PIK3CD: variants seen among roughly 807,000 people sequenced by gnomAD.
The protein encoded by PIK3CD is phosphatidylinositol 4,5-bisphosphate 3-kinase catalytic subunit delta isoform.
A neutral mutation model predicts 122.9 loss-of-function variants in PIK3CD; 20 were observed. That is an observed-to-expected ratio of 0.16 (90% CI 0.11 to 0.24). PIK3CD has a LOEUF of 0.24. Ranked by LOEUF, PIK3CD falls within the 10% of genes least tolerant of loss-of-function variation. The pLI is 1.00. For synonymous variants in PIK3CD, 596 were observed against 593.4 expected (o/e 1.00, Z -0.06); for missense variants, 787 against 1,406.3 (o/e 0.56, Z 7.04).
Position 9,720,725 on chromosome 1 carries a change from C to T in PIK3CD, c.1522-17C>T. ...CGGCGTGGAACCAGAGCCCTCACTC[C>T]TGCCCACACCCCTCAGCAGCTGCAG... On this transcript the variant is annotated splice_polypyrimidine_tract_variant and intron_variant, in intron 12 of 23. Transcript: ENST00000377346. The surrounding 1 kb of genome is among the most constrained non-coding windows in gnomAD (Gnocchi z 9.0). 1 of 1,608,888 alleles carries T rather than the reference C, an allele frequency of 6.2e-7. No homozygotes were observed. Among genetic ancestry groups the T allele is most frequent in the South Asian group, 1.1e-5 (1 of 90,362 alleles).
At chr1:9,671,674 G>C (rs1194245655) in intron 1 of PIK3CD, among the ~76,000 whole-genome samples, 2 of 152,014 alleles carry the variant, frequency 1.3e-5, no homozygotes, top group Non-Finnish European at 2.9e-5. Flanking sequence ...TTGAATTCCT[G>C]GACTCAAGAG....
At chr1:9,630,284 T>C in the PIK3CD span, among the ~76,000 whole-genome samples, 15 of 152,210 alleles carry the variant, frequency 9.9e-5, no homozygotes, top group Non-Finnish European at 1.9e-4. Flanking sequence ...GACTGCAGGG[T>C]CACTCGGTGT....
the PIK3CD span, among the ~76,000 whole-genome samples, chr1:9,634,218 A>G: frequency 7.0e-6 from 1 of 142,906 alleles, no homozygotes; most frequent in Non-Finnish European, 1.5e-5. Context: ...CAGTGACATG[A>G]TCTCAGCTCA....
intron 2 of PIK3CD, among the ~76,000 whole-genome samples, chr1:9,695,068 C>T (rs542873418): frequency 1.6e-4 from 25 of 151,562 alleles, no homozygotes; most frequent in East Asian, 7.7e-4. Context: ...CAAACAGGGT[C>T]GTATGGGGAA....
At chr1:9,637,864 G>A in the PIK3CD span, among the ~76,000 whole-genome samples, 1 of 152,118 alleles carries the variant, frequency 6.6e-6, no homozygotes, top group Non-Finnish European at 1.5e-5. Flanking sequence ...AGCACTTTGG[G>A]AGGCCAAGGC....
intron 1 of PIK3CD, among the ~76,000 whole-genome samples, chr1:9,683,526 G>A (rs1261107139): frequency 2.6e-5 from 4 of 152,072 alleles, no homozygotes; most frequent in Non-Finnish European, 5.9e-5. Context: ...GTTAGAAGCA[G>A]TTTTAGGTGG....
rs1179481484 is a variant in PIK3CD, at chr1:9,718,755, C to G, written c.1082C>G (p.Ser361Trp). The change falls in exon 9 of 24, where the codon TCG becomes TGG. Residue 361 changes from serine to tryptophan, a missense_variant. Physicochemically the swap from Ser to Trp is radical, Grantham distance 177 (BLOSUM62 -3). Around this residue, in one of 6 missense-constraint regions of PIK3CD, gnomAD observed 592 missense variants for 920.6 expected, o/e 0.64. Coordinates refer to ENST00000377346, the MANE Select transcript of PIK3CD (RefSeq NM_005026.5). This position sits in a 1 kb window ranked among gnomAD's most constrained non-coding sequence, Gnocchi z 7.2. Reference sequence around the variant, plus strand: ...ATGCTGTGCAAGACGGTGTCCAGCTCGGAGGTGAGCGTGTGCTCGGAGCCC... The same window carrying G: ...ATGCTGTGCAAGACGGTGTCCAGCTGGGAGGTGAGCGTGTGCTCGGAGCCC... ...NEMLCKTVSSSEVSVCSEPVW... is the reference protein window; with the variant it reads ...NEMLCKTVSSWEVSVCSEPVW... 1 of 1,609,870 alleles carries G rather than the reference C, an allele frequency of 6.2e-7. No individual in the cohort carries two copies. Among genetic ancestry groups the G allele is most frequent in the African/African-American group, 1.3e-5 (1 of 74,794 alleles).
chr1:9,662,887 C>T (rs1263431190), intron 1 of PIK3CD, among the ~76,000 whole-genome samples: 1 of 152,134 alleles, frequency 6.6e-6, no homozygotes, highest in African/African-American at 2.4e-5. Context: ...CGGGGTTTCA[C>T]CATGTTGGCC....
the PIK3CD span, among the ~76,000 whole-genome samples, chr1:9,629,774 C>A: frequency 6.6e-3 from 1,012 of 152,326 alleles, 8 homozygotes; most frequent in African/African-American, 0.023. Context: ...AAGGCTCCCC[C>A]ACCCCTGCAG....
At chr1:9,663,117 G>A (rs935316151) in intron 1 of PIK3CD, among the ~76,000 whole-genome samples, 11 of 152,152 alleles carry the variant, frequency 7.2e-5, no homozygotes, top group Non-Finnish European at 1.5e-4. Flanking sequence ...AAACCCACAC[G>A]GTGTCTTCTG....
intron 1 of PIK3CD, among the ~76,000 whole-genome samples, chr1:9,657,372 T>C (rs187885961): frequency 1.3e-5 from 2 of 152,274 alleles, no homozygotes; most frequent in Admixed American, 1.3e-4. Flanking sequence ...AACAGGAATG[T>C]CTTTCTGTAT....
intron 6 of PIK3CD, 35 bp from the exon 7 acceptor site, chr1:9,716,924 G>C (rs201470458): frequency 6.2e-7 from 1 of 1,612,952 alleles, no homozygotes. Flanking sequence ...GGTTGGGGCC[G>C]CCCCACCAGC....
intron 1 of PIK3CD, among the ~76,000 whole-genome samples, chr1:9,660,621 G>A (rs1039735542): frequency 2.0e-5 from 3 of 151,962 alleles, no homozygotes; most frequent in Non-Finnish European, 2.9e-5. Flanking sequence ...CAGATCCACC[G>A]GGAAAACAGA....
intron 1 of PIK3CD, among the ~76,000 whole-genome samples, chr1:9,662,813 T>G (rs1645046580): frequency 2.0e-5 from 3 of 152,108 alleles, no homozygotes. Flanking sequence ...CTCAGCCATC[T>G]AAGCAGCTGG....
chr1:9,680,277 C>T (rs1645699719), intron 1 of PIK3CD, among the ~76,000 whole-genome samples: 1 of 145,518 alleles, frequency 6.9e-6, no homozygotes, highest in Non-Finnish European at 1.5e-5. Flanking sequence ...AACCCCGCCT[C>T]AGTGGTTTTT....
At chr1:9,694,654 G>T (rs1010518881) in intron 2 of PIK3CD, among the ~76,000 whole-genome samples, 2 of 151,998 alleles carry the variant, frequency 1.3e-5, no homozygotes, top group African/African-American at 4.8e-5. Flanking sequence ...GCAGCCAAGG[G>T]CCATCCCACA....
In PIK3CD at chr1:9,720,263, G is replaced by A. The variant is rs771545546; in HGVS notation, c.1470+21G>A. The A allele has an allele frequency of 1.8e-5, 28 of 1,596,906 alleles. No homozygotes were observed. The highest frequency in any genetic ancestry group is 3.4e-5 in the Admixed American group (2 of 59,542). On this transcript the variant is annotated intron_variant, in intron 11 of 23. Transcript: ENST00000377346. The surrounding 1 kb of genome is among the most constrained non-coding windows in gnomAD (Gnocchi z 9.0). ...AGAAGGTCAGTGGGGGCCCCGCCGC[G>A]TGAGGCTGAGGGGCTGGCGCGGAGC... is the stretch of plus-strand genomic sequence containing the variant.
chr1:9,700,367 G>A lies in PIK3CD; in HGVS notation c.-33+8796G>A, dbSNP rs1454533076. Among the ~76,000 whole-genome samples, 4 of 152,214 alleles carry A rather than the reference G, an allele frequency of 2.6e-5. No individual in the cohort carries two copies. The highest frequency in any genetic ancestry group is 5.9e-5 in the Non-Finnish European group (4 of 68,028). On this transcript the variant is annotated intron_variant, in intron 2 of 23. Coordinates refer to ENST00000377346, the MANE Select transcript of PIK3CD (RefSeq NM_005026.5). This position sits in a 1 kb window ranked among gnomAD's most constrained non-coding sequence, Gnocchi z 5.1. ...TTTCAGGACAGACTGTAAGGGTGGC[G>A]TGGTGTCCTGGCCAGAACCCCATGT...
At chr1:9,647,250 C>A (rs1453373460), upstream of PIK3CD, among the ~76,000 whole-genome samples, 1 of 151,138 alleles carries the variant, frequency 6.6e-6, no homozygotes, top group Non-Finnish European at 1.5e-5. Flanking sequence ...CCTGTCTCTA[C>A]AAAAAAATTA....
Sources: gnomAD v4.1 joint callset for allele counts (sites outside exome capture counted in the v4.1 genomes callset) on GRCh38, gnomAD v4.1.1 for gene constraint, gnomAD v4.1.1 regional missense constraint, Gnocchi (gnomAD v3.1) non-coding constraint, MANE v1.5 for transcripts, NCBI Gene and HGNC (gene_info 2026-07-23, HGNC 2026-07-21) for gene names.